Variants in EPHA6 observed in about 807,000 individuals in gnomAD.
EPHA6 encodes the protein ephrin type-A receptor 6.
A neutral mutation model predicts 112.0 loss-of-function variants in EPHA6; 50 were observed. The observed-to-expected ratio is 0.45, with a 90% CI of 0.36 to 0.56. The LOEUF is 0.56. Ranked by LOEUF, EPHA6 falls within the 20% of genes least tolerant of loss-of-function variation. The probability of loss-of-function intolerance (pLI) is 0.00; values close to 1 mark genes in which losing one functional copy is unlikely to be tolerated. For synonymous variants in EPHA6, 529 were observed against 490.7 expected (o/e 1.08, Z -1.03); for missense variants, 1,280 against 1,417.4 (o/e 0.90, Z 1.56).
At chr3:97,403,552 T>A (rs939765276) in intron 5 of EPHA6, among the ~76,000 whole-genome samples, 1 of 152,196 alleles carries the variant, frequency 6.6e-6, no homozygotes, top group South Asian at 2.1e-4. Context: ...GTTCACGCCA[T>A]TCTCCTGCCT....
intron 5 of EPHA6, among the ~76,000 whole-genome samples, chr3:97,286,839 AT>A (rs1318533653): frequency 5.3e-5 from 8 of 151,762 alleles, no homozygotes; most frequent in Non-Finnish European, 1.2e-4. Flanking sequence ...TAGTATGGTG[AT>A]TTTAACAAAA....
rs919664482 is a variant in EPHA6 at position 97,750,137 on chromosome 3, G to C, written c.*1436G>C. Among the ~76,000 whole-genome samples, 2 of 152,038 alleles carry C rather than the reference G, an allele frequency of 1.3e-5. No homozygotes were observed. Among genetic ancestry groups the C allele is most frequent in the Non-Finnish European group, 2.9e-5 (2 of 68,014 alleles). On this transcript the variant is annotated 3_prime_UTR_variant, in exon 18 of 18. Transcript: ENST00000389672. The stretch of plus-strand genomic sequence containing the variant: ...AACTAAAAAAATGACGACTGTTTTA[G>C]GTGAAAGAGTAAGTAAAATGTGTTG...
At chr3:97,135,350 T>C (rs561533769) in intron 3 of EPHA6, among the ~76,000 whole-genome samples, 2 of 152,116 alleles carry the variant, frequency 1.3e-5, no homozygotes, top group Non-Finnish European at 2.9e-5. Flanking sequence ...ACCTTACTGA[T>C]TGTATTTAAA....
intron 11 of EPHA6, among the ~76,000 whole-genome samples, chr3:97,545,258 T>C (rs1221879496): frequency 1.3e-5 from 2 of 152,216 alleles, no homozygotes; most frequent in East Asian, 3.8e-4. Context: ...GATTCTGGTA[T>C]GTTGTGTCTT....
At chr3:97,546,221 T>C (rs1185977158) in intron 11 of EPHA6, among the ~76,000 whole-genome samples, 3 of 152,246 alleles carry the variant, frequency 2.0e-5, no homozygotes, top group Admixed American at 2.0e-4. Flanking sequence ...CCTTTCCATG[T>C]TTAGTGCTTC....
intron 2 of EPHA6, among the ~76,000 whole-genome samples, chr3:96,904,365 C>A (rs973431830): frequency 1.3e-5 from 2 of 149,278 alleles, no homozygotes; most frequent in Non-Finnish European, 3.0e-5. Flanking sequence ...GGACAAAAAA[C>A]CAAACACCGC....
chr3:97,554,581 G>A (rs569500881), intron 11 of EPHA6, among the ~76,000 whole-genome samples: 1 of 151,970 alleles, frequency 6.6e-6, no homozygotes, highest in Non-Finnish European at 1.5e-5. Flanking sequence ...GGGTGGCCAG[G>A]TTCCTTCTAT....
chr3:97,222,416 T>C (rs2078234081), intron 3 of EPHA6, among the ~76,000 whole-genome samples: 1 of 152,162 alleles, frequency 6.6e-6, no homozygotes, highest in African/African-American at 2.4e-5. Context: ...TACAAAAACA[T>C]TTGAAATCAG....
chr3:97,595,850 C>A (rs1465753735), intron 12 of EPHA6, among the ~76,000 whole-genome samples: 1 of 151,662 alleles, frequency 6.6e-6, no homozygotes, highest in African/African-American at 2.4e-5. Context: ...TCAAATTCTA[C>A]CACCTTGAAA....
intron 5 of EPHA6, among the ~76,000 whole-genome samples, chr3:97,323,834 A>C (rs984118311): frequency 9.9e-5 from 15 of 152,014 alleles, no homozygotes; most frequent in Non-Finnish European, 1.5e-4. Context: ...TTTTAGTGGA[A>C]ATATGAAAAG....
chr3:96,893,657 C>T (rs1451637228), intron 2 of EPHA6, among the ~76,000 whole-genome samples: 1 of 152,058 alleles, frequency 6.6e-6, no homozygotes. Flanking sequence ...GCAAAACTAA[C>T]AAGAATTGGA....
intron 11 of EPHA6, among the ~76,000 whole-genome samples, chr3:97,549,603 C>T (rs1261477388): frequency 6.6e-6 from 1 of 152,102 alleles, no homozygotes; most frequent in Admixed American, 6.6e-5. Flanking sequence ...GTAGCTCTCT[C>T]AGAACCCTGA....
At chr3:97,195,150 CCCTTT>C (rs1379303196) in intron 3 of EPHA6, among the ~76,000 whole-genome samples, 5 of 151,764 alleles carry the variant, frequency 3.3e-5, no homozygotes, top group South Asian at 2.1e-4. Flanking sequence ...TTCTCTTTCT[CCCTTT>C]CCTTCTTTCT....
chr3:97,048,890 T>C (rs1368603720), intron 3 of EPHA6, among the ~76,000 whole-genome samples: 1 of 152,044 alleles, frequency 6.6e-6, no homozygotes, highest in Non-Finnish European at 1.5e-5. Context: ...AGTGTGAGAT[T>C]TGGGGAGCAG....
intron 5 of EPHA6, among the ~76,000 whole-genome samples, chr3:97,245,904 A>T (rs1233246891): frequency 6.6e-6 from 1 of 151,974 alleles, no homozygotes; most frequent in Non-Finnish European, 1.5e-5. Flanking sequence ...CTAGTGTTCC[A>T]TGATATTATA....
At chr3:97,403,981 T>C (rs907126602) in intron 5 of EPHA6, among the ~76,000 whole-genome samples, 1 of 152,190 alleles carries the variant, frequency 6.6e-6, no homozygotes, top group African/African-American at 2.4e-5. Context: ...GAAATAACTC[T>C]ATTCTAGTGT....
At position 97,253,543 on chromosome 3, in the gene EPHA6, A is replaced by G. The variant is rs1057411834; in HGVS notation, c.1606+9256A>G. 6.6e-5 allele frequency among the ~76,000 whole-genome samples: 10 copies of G among 152,282 alleles called. No individual in the cohort carries two copies. The East Asian group carries it at 1.7e-3, about 26-fold the overall frequency. On this transcript the variant is annotated intron_variant, in intron 5 of 17. Transcript: ENST00000389672. ...CGAAATAATTATTACAGAAATTGAA[A>G]TTATTTGTATTCATTCTTTTATATT...
chr3:97,348,896 G>A (rs1393842816), intron 5 of EPHA6, among the ~76,000 whole-genome samples: 3 of 151,830 alleles, frequency 2.0e-5, no homozygotes, highest in Non-Finnish European at 4.4e-5. Flanking sequence ...GTTCTTCTTG[G>A]GTTTAGTTAG....
intron 5 of EPHA6, among the ~76,000 whole-genome samples, chr3:97,252,934 G>A (rs1450102013): frequency 2.0e-5 from 3 of 152,096 alleles, no homozygotes; most frequent in Non-Finnish European, 2.9e-5. Context: ...ACCTCTCTGT[G>A]TTACTCAGCA....
Sources: allele counts gnomAD v4.1 joint callset (sites outside exome capture counted in the v4.1 genomes callset), GRCh38; gene constraint gnomAD v4.1.1; transcripts MANE v1.5; gene names NCBI Gene and HGNC (gene_info 2026-07-23, HGNC 2026-07-21).